Variants in MCPH1 observed in about 807,000 individuals in gnomAD.
MCPH1 encodes the protein microcephalin 1.
Under a neutral mutation model 84.5 loss-of-function variants are expected in MCPH1, and 104 were observed. The ratio of observed to expected loss-of-function variants is 1.23; its 90% CI spans 1.05 to 1.45. MCPH1 has a LOEUF of 1.45. Among genes scored for constraint, MCPH1 ranks in the 40% most tolerant of loss-of-function variants. The probability of loss-of-function intolerance (pLI) is 0.00; values close to 1 mark genes in which losing one functional copy is unlikely to be tolerated. For missense variants in MCPH1, 1,498 were observed against 1,005.7 expected, an observed-to-expected ratio of 1.49 and a Z score of -6.62; for synonymous variants, 514 against 366.8, an observed-to-expected ratio of 1.40 and a Z score of -4.58.
chr8:6,543,548 G>C (rs1212011979), intron 12 of MCPH1, among the ~76,000 whole-genome samples: 2 of 152,164 alleles, frequency 1.3e-5, no homozygotes, highest in Admixed American at 6.6e-5. Context: ...CCAAACCATA[G>C]GGAAAAGCGC....
At chr8:6,418,115 T>C (rs1402854445) in intron 3 of MCPH1, among the ~76,000 whole-genome samples, 2 of 152,174 alleles carry the variant, frequency 1.3e-5, no homozygotes, top group African/African-American at 4.8e-5. Context: ...TTGGGGTTTC[T>C]CCTATGGTTC....
At chr8:6,594,018 C>G (rs1024669932) in intron 12 of MCPH1, among the ~76,000 whole-genome samples, 11 of 152,184 alleles carry the variant, frequency 7.2e-5, no homozygotes, top group African/African-American at 2.7e-4. Flanking sequence ...CCTATAACCT[C>G]GTATAACCTT....
chr8:6,516,292 A>G (rs1386127780), intron 12 of MCPH1, among the ~76,000 whole-genome samples: 1 of 152,208 alleles, frequency 6.6e-6, no homozygotes, highest in East Asian at 1.9e-4. Flanking sequence ...CTTTGTGTAT[A>G]TTATCTATAA....
At chr8:6,547,799 A>G (rs1333520247) in intron 12 of MCPH1, among the ~76,000 whole-genome samples, 1 of 152,090 alleles carries the variant, frequency 6.6e-6, no homozygotes, top group East Asian at 1.9e-4. Flanking sequence ...ATGCGGGGCC[A>G]GGGGAGCACC....
chr8:6,537,240 C>G (rs1820665744), intron 12 of MCPH1, among the ~76,000 whole-genome samples: 1 of 152,102 alleles, frequency 6.6e-6, no homozygotes, highest in African/African-American at 2.4e-5. Context: ...TGAGCGTGAT[C>G]TGTAGGCACA....
intron 12 of MCPH1, among the ~76,000 whole-genome samples, chr8:6,617,402 C>T (rs1267712339): frequency 6.6e-6 from 1 of 151,188 alleles, no homozygotes; most frequent in Non-Finnish European, 1.5e-5. Context: ...GCCTCAGCTT[C>T]CCAAAAGTTA....
At chr8:6,425,042 G>A (rs554388042) in intron 3 of MCPH1, among the ~76,000 whole-genome samples, 3 of 152,340 alleles carry the variant, frequency 2.0e-5, no homozygotes, top group Admixed American at 6.5e-5. Context: ...CATAAAGAAT[G>A]CAGGATTGGC....
At chr8:6,468,531 T>G (rs1008675981) in intron 9 of MCPH1, among the ~76,000 whole-genome samples, 5 of 152,140 alleles carry the variant, frequency 3.3e-5, no homozygotes, top group Admixed American at 2.6e-4. Flanking sequence ...ATGGGAGCTT[T>G]AGTGTTAGAT....
chr8:6,504,719 T>A (rs898816404), intron 12 of MCPH1, among the ~76,000 whole-genome samples: 3 of 152,328 alleles, frequency 2.0e-5, no homozygotes, highest in East Asian at 3.9e-4. Flanking sequence ...ACAAATCTTA[T>A]ATCCATGAAA....
intron 12 of MCPH1, among the ~76,000 whole-genome samples, chr8:6,558,726 C>A (rs1241588717): frequency 6.6e-6 from 1 of 152,054 alleles, no homozygotes; most frequent in East Asian, 1.9e-4. Flanking sequence ...CAATCATCTC[C>A]CCATAGTGTG....
At chr8:6,613,300 G>A (rs767112453) in intron 12 of MCPH1, among the ~76,000 whole-genome samples, 18 of 152,208 alleles carry the variant, frequency 1.2e-4, no homozygotes, top group African/African-American at 1.9e-4. Context: ...ATAGAAACAC[G>A]GAGGGCCACA....
At chr8:6,552,416 A>T (rs1823810630) in intron 12 of MCPH1, among the ~76,000 whole-genome samples, 1 of 152,220 alleles carries the variant, frequency 6.6e-6, no homozygotes, top group South Asian at 2.1e-4. Context: ...CACACTTACG[A>T]TGGTCCTTTT....
intron 12 of MCPH1, among the ~76,000 whole-genome samples, chr8:6,586,006 G>A (rs577394505): frequency 6.6e-6 from 1 of 152,274 alleles, no homozygotes; most frequent in East Asian, 1.9e-4. Flanking sequence ...TGTCACCCAG[G>A]CTGGAGTGCA....
At chr8:6,611,311 C>T (rs1329238164) in intron 12 of MCPH1, among the ~76,000 whole-genome samples, 1 of 152,236 alleles carries the variant, frequency 6.6e-6, no homozygotes. Flanking sequence ...CCCCCCTACC[C>T]ATGCCAATTG....
At chr8:6,508,942 C>T in intron 12 of MCPH1, 1 of 1,614,136 alleles carries the variant, frequency 6.2e-7, no homozygotes, top group Non-Finnish European at 8.5e-7. Flanking sequence ...CTCCTGTTAG[C>T]ATTTGTGAAC....
chr8:6,540,954 G>A (rs938383042), intron 12 of MCPH1, among the ~76,000 whole-genome samples: 1 of 152,244 alleles, frequency 6.6e-6, no homozygotes, highest in African/African-American at 2.4e-5. Flanking sequence ...GCAAGAATGG[G>A]GACTGCTGTC....
chr8:6,530,324 G>C (rs2256628), intron 12 of MCPH1, among the ~76,000 whole-genome samples: 3,925 of 151,890 alleles, frequency 0.026, 61 homozygotes, highest in African/African-American at 0.048. Context: ...CCTGGCCAAC[G>C]TGGTGAAACC....
intron 1 of MCPH1, among the ~76,000 whole-genome samples, chr8:6,407,475 C>T (rs17076757): frequency 0.13 from 20,488 of 152,068 alleles, 1,512 homozygotes; most frequent in Middle Eastern, 0.21. Context: ...ATACCGCACG[C>T]AGTCCCACCC....
At chr8:6,641,183 GAA>G (rs1797912641) in intron 13 of MCPH1, among the ~76,000 whole-genome samples, 1 of 151,984 alleles carries the variant, frequency 6.6e-6, no homozygotes, top group Admixed American at 6.5e-5. Flanking sequence ...ATTTCTAGAT[GAA>G]TTTGGAAAGA....
Sources: allele counts gnomAD v4.1 joint callset (sites outside exome capture counted in the v4.1 genomes callset), GRCh38; gene constraint gnomAD v4.1.1; transcripts MANE v1.5; gene names NCBI Gene and HGNC (gene_info 2026-07-23, HGNC 2026-07-21).